The following TAB2 variants were observed in gnomAD, a reference collection of about 807,000 sequenced individuals.
The protein encoded by TAB2 is TGF-beta activated kinase 1 (MAP3K7) binding protein 2.
In TAB2, 3 loss-of-function variants were observed where a neutral mutation model predicts 65.0. The ratio of observed to expected loss-of-function variants is 0.05; its 90% CI spans 0.02 to 0.12. The LOEUF (loss-of-function observed/expected upper bound fraction) is 0.12, where lower values mean the gene tolerates loss of function less well. Ranked by LOEUF, TAB2 falls within the 10% of genes least tolerant of loss-of-function variation. TAB2 has a pLI of 1.00. For missense variants in TAB2, 623 were observed against 840.3 expected (o/e 0.74, Z 3.20); for synonymous variants, 298 against 285.1 (o/e 1.05, Z -0.46).
intron 1 of TAB2, among the ~76,000 whole-genome samples, chr6:149,225,995 C>G (rs554936195): frequency 6.6e-6 from 1 of 151,834 alleles, no homozygotes; most frequent in Non-Finnish European, 1.5e-5. Context: ...GGCTTGAGTC[C>G]CACTGAGGCC....
chr6:149,349,808 T>C (rs139031056), intron 1 of TAB2, among the ~76,000 whole-genome samples: 2 of 152,330 alleles, frequency 1.3e-5, no homozygotes, highest in East Asian at 3.9e-4. Flanking sequence ...TGTATTCTGA[T>C]GTTTATTTAG....
chr6:149,286,106 G>A (rs1778672486), intron 1 of TAB2, among the ~76,000 whole-genome samples: 1 of 146,842 alleles, frequency 6.8e-6, no homozygotes, highest in South Asian at 2.2e-4. Flanking sequence ...TACCAAAAAA[G>A]TATCTTTTTA....
chr6:149,284,563 C>G (rs528233471), intron 1 of TAB2, among the ~76,000 whole-genome samples: 1 of 151,640 alleles, frequency 6.6e-6, no homozygotes, highest in Non-Finnish European at 1.5e-5. Flanking sequence ...GCTTTCAGGA[C>G]TAAGAGGAGG....
Position 149,396,320 on chromosome 6 carries a change from G to A in TAB2, c.1604-1284G>A, listed in dbSNP as rs1782168886. On this transcript the variant is annotated intron_variant, in intron 3 of 6. Transcript: ENST00000637181. ...AGGTGTGAGCCACCATGCCCAGCCT[G>A]GAATTTTTTTCTTAGATGTCTGTGA... Among the ~76,000 whole-genome samples the A allele has an allele frequency of 2.0e-5, 3 of 151,972 alleles. No homozygotes were observed. The South Asian group carries it at 6.2e-4, about 32-fold the overall frequency.
chr6:149,362,467 G>A (rs1583124864), intron 1 of TAB2, among the ~76,000 whole-genome samples: 1 of 152,148 alleles, frequency 6.6e-6, no homozygotes, highest in Admixed American at 6.5e-5. Context: ...ACAGCGCTAA[G>A]GGGATGGCAC....
At chr6:149,235,765 C>A (rs1004310927) in intron 1 of TAB2, among the ~76,000 whole-genome samples, 3 of 152,182 alleles carry the variant, frequency 2.0e-5, no homozygotes, top group African/African-American at 7.2e-5. Context: ...GTCCTAGGAG[C>A]GTGAATTTCA....
chr6:149,239,616 G>T (rs890579418), intron 1 of TAB2, among the ~76,000 whole-genome samples: 2 of 152,160 alleles, frequency 1.3e-5, no homozygotes, highest in African/African-American at 4.8e-5. Flanking sequence ...TATTTTATTC[G>T]AGCTGCTTCT....
chr6:149,398,433 A>C (rs1782249145), intron 5 of TAB2, among the ~76,000 whole-genome samples: 1 of 152,230 alleles, frequency 6.6e-6, no homozygotes, highest in East Asian at 1.9e-4. Flanking sequence ...TTGGATAAAT[A>C]ATAAAAAGAT....
intron 1 of TAB2, among the ~76,000 whole-genome samples, chr6:149,346,784 T>G (rs1780321645): frequency 6.6e-6 from 1 of 152,152 alleles, no homozygotes; most frequent in African/African-American, 2.4e-5. Flanking sequence ...TCTCTGAATA[T>G]TAAGGTGCCA....
chr6:149,267,914 G>A (rs1778293560), intron 1 of TAB2, among the ~76,000 whole-genome samples: 1 of 152,160 alleles, frequency 6.6e-6, no homozygotes, highest in Non-Finnish European at 1.5e-5. Context: ...CGTATACGCA[G>A]TCTATTGTTG....
At chr6:149,283,261 G>T (rs528867105) in intron 1 of TAB2, among the ~76,000 whole-genome samples, 4 of 152,292 alleles carry the variant, frequency 2.6e-5, no homozygotes, top group African/African-American at 9.6e-5. Context: ...ATGGATAGAG[G>T]AGCCAGAAAA....
chr6:149,385,961 T>C (rs1316076412), intron 3 of TAB2, among the ~76,000 whole-genome samples: 1 of 152,238 alleles, frequency 6.6e-6, no homozygotes, highest in Non-Finnish European at 1.5e-5. Flanking sequence ...TATTTAACTG[T>C]GAGAGGTATT....
chr6:149,313,278 C>G (rs577795694), upstream of TAB2, among the ~76,000 whole-genome samples: 1 of 152,194 alleles, frequency 6.6e-6, no homozygotes, highest in Non-Finnish European at 1.5e-5. Flanking sequence ...ATCCTCCCAC[C>G]TCAGCCTCAT....
At chr6:149,300,896 C>T (rs1795258694) in intron 1 of TAB2, among the ~76,000 whole-genome samples, 1 of 152,226 alleles carries the variant, frequency 6.6e-6, no homozygotes, top group Non-Finnish European at 1.5e-5. Flanking sequence ...AGAATCCTGA[C>T]TCAGCTACTC....
intron 1 of TAB2, among the ~76,000 whole-genome samples, chr6:149,262,497 C>T (rs1778175133): frequency 6.6e-6 from 1 of 151,462 alleles, no homozygotes; most frequent in Non-Finnish European, 1.5e-5. Flanking sequence ...GGTGCCACTG[C>T]ACTCCAGCCT....
At chr6:149,304,515 T>C (rs12215652) in intron 1 of TAB2, 11,109 of 152,560 alleles carry the variant, frequency 0.073, 600 homozygotes, top group Non-Finnish European at 0.11. Flanking sequence ...AAGTGGGACA[T>C]GTCCGGGCTC....
At chr6:149,262,937 G>C (rs1490254545) in intron 1 of TAB2, among the ~76,000 whole-genome samples, 1 of 152,050 alleles carries the variant, frequency 6.6e-6, no homozygotes, top group Non-Finnish European at 1.5e-5. Context: ...TCAAATAGCT[G>C]AGACTATGGG....
chr6:149,380,461 T>C (rs1781569775), intron 3 of TAB2, among the ~76,000 whole-genome samples: 1 of 115,544 alleles, frequency 8.7e-6, no homozygotes, highest in South Asian at 2.8e-4. Flanking sequence ...TTGATTATCC[T>C]TTTCTGAAAT....
rs35391071 is a variant in TAB2, at chr6:149,410,658, A to T, written c.*939A>T. ...TGCTGCACAGTGAATTGCAGATGAT[A>T]TTACAGAAGTGATGTCTGTAGGTCA... is the stretch of plus-strand genomic sequence containing the variant. On this transcript the variant is annotated 3_prime_UTR_variant, in exon 7 of 7. Coordinates refer to ENST00000637181, the MANE Select transcript of TAB2 (RefSeq NM_001292034.3). 2,404 of 152,758 alleles carry T rather than the reference A, an allele frequency of 0.016. 52 individuals carry two copies. Among genetic ancestry groups the T allele is most frequent in the South Asian group, 0.096 (466 of 4,830 alleles). The allele number at this position is 152,758 out of a possible 1,614,324, so 9.5% of individuals were successfully genotyped here. A position where few individuals can be genotyped will look rare whatever the true frequency, so the allele number is the denominator to read the frequency against.
Sources: allele counts gnomAD v4.1 joint callset (sites outside exome capture counted in the v4.1 genomes callset), GRCh38; gene constraint gnomAD v4.1.1; transcripts MANE v1.5; gene names NCBI Gene and HGNC (gene_info 2026-07-23, HGNC 2026-07-21).